The following WBP2NL variants were observed in gnomAD, a reference collection of about 807,000 sequenced individuals.
The protein encoded by WBP2NL is postacrosomal sheath WW domain-binding protein.
WBP2NL carries 27 observed loss-of-function variants against 23.3 expected under a neutral mutation model. The ratio of observed to expected loss-of-function variants is 1.16; its 90% CI spans 0.85 to 1.60. The LOEUF is 1.60. WBP2NL is among the 40% of genes most tolerant of loss of function. The pLI is 0.00. For missense variants in WBP2NL, 370 were observed against 389.5 expected (o/e 0.95, Z 0.42); for synonymous variants, 151 against 145.9 (o/e 1.03, Z -0.25).
chr22:42,028,280 C>A lies in WBP2NL; in HGVS notation c.*1099C>A, dbSNP rs1473077699. 1.3e-5 allele frequency: 5 copies of A among 392,418 alleles called. No homozygotes were observed. The highest frequency in any genetic ancestry group is 2.2e-5 in the Non-Finnish European group (5 of 222,920). 24.3% of individuals were successfully genotyped at this position (392,418 alleles called of 1,614,324 possible). A position where few individuals can be genotyped will look rare whatever the true frequency, so the allele number is the denominator to read the frequency against. ...TATAGTGATTTTCAGCCTCATCAGA[C>A]TGAATGCCCCATTTTATAACAAATA... On this transcript the variant is annotated 3_prime_UTR_variant, in exon 6 of 6. Transcript: ENST00000328823.
chr22:42,011,114 C>G (rs956504227), intron 1 of WBP2NL, among the ~76,000 whole-genome samples: 2 of 152,186 alleles, frequency 1.3e-5, no homozygotes, highest in Non-Finnish European at 2.9e-5. Context: ...GTTTCTTTGT[C>G]TGGCTTCGGT....
intron 4 of WBP2NL, 103 bp downstream of exon 4, chr22:42,020,199 G>C: frequency 8.5e-7 from 1 of 1,178,208 alleles, no homozygotes; most frequent in South Asian, 1.5e-5. Context: ...TGTTGTTTTT[G>C]AGACAGGGAT....
At chr22:42,014,761 T>G (rs1923154055) in intron 1 of WBP2NL, among the ~76,000 whole-genome samples, 1 of 152,238 alleles carries the variant, frequency 6.6e-6, no homozygotes. Context: ...GTGATTAAAT[T>G]GTTCATTTCA....
intron 8 of WBP2NL, among the ~76,000 whole-genome samples, chr22:42,051,215 T>A (rs1426461950): frequency 6.6e-6 from 1 of 152,226 alleles, no homozygotes; most frequent in Non-Finnish European, 1.5e-5. Context: ...GAACCCTAGA[T>A]TCATATTGCT....
chr22:42,058,029 G>A (rs1337347147), intron 8 of WBP2NL, among the ~76,000 whole-genome samples: 4 of 141,552 alleles, frequency 2.8e-5, no homozygotes, highest in Non-Finnish European at 6.0e-5. Context: ...CTGTTCTCCT[G>A]CCTCAGCCTC....
intron 8 of WBP2NL, among the ~76,000 whole-genome samples, chr22:42,040,002 C>T (rs1925342903): frequency 6.6e-6 from 1 of 151,784 alleles, no homozygotes; most frequent in Non-Finnish European, 1.5e-5. Flanking sequence ...ACCTCCGCCT[C>T]CTGGGTTCAA....
chr22:42,050,360 C>T (rs1663569475), intron 8 of WBP2NL, among the ~76,000 whole-genome samples: 1 of 151,024 alleles, frequency 6.6e-6, no homozygotes, highest in South Asian at 2.1e-4. Flanking sequence ...AAAAAAACAA[C>T]CTGGGCCAGG....
At chr22:42,039,246 A>AT (rs1046851047) in intron 8 of WBP2NL, among the ~76,000 whole-genome samples, 19 of 145,464 alleles carry the variant, frequency 1.3e-4, no homozygotes, top group East Asian at 4.1e-4. Flanking sequence ...TAATTCTTGT[A>AT]TTTTTTTTTA....
intron 1 of WBP2NL, among the ~76,000 whole-genome samples, chr22:42,011,761 G>A (rs1301886464): frequency 6.6e-6 from 1 of 150,852 alleles, no homozygotes; most frequent in African/African-American, 2.4e-5. Context: ...GGTTGTTGTT[G>A]TTGTTGTTTT....
chr22:42,008,786 A>AT (rs924605103), intron 1 of WBP2NL, among the ~76,000 whole-genome samples: 3 of 126,998 alleles, frequency 2.4e-5, no homozygotes, highest in Admixed American at 8.0e-5. Context: ...TTTTTTTATT[A>AT]TTTTTTTTCT....
chr22:42,019,903 G>T (rs1416273108), intron 3 of WBP2NL, 100 bp downstream of exon 3: 1 of 1,594,228 alleles, frequency 6.3e-7, no homozygotes, highest in Non-Finnish European at 8.6e-7. Context: ...AACAAAAGCT[G>T]CCCTACTTTG....
intron 8 of WBP2NL, among the ~76,000 whole-genome samples, chr22:42,047,928 C>A (rs1015284540): frequency 1.3e-5 from 2 of 151,840 alleles, no homozygotes; most frequent in Non-Finnish European, 2.9e-5. Flanking sequence ...AGCCTAAAAC[C>A]AGTCAATATA....
At chr22:42,057,439 A>C (rs1419459438) in intron 8 of WBP2NL, among the ~76,000 whole-genome samples, 5 of 151,690 alleles carry the variant, frequency 3.3e-5, no homozygotes, top group African/African-American at 1.2e-4. Context: ...TCTTTCCTTT[A>C]TTTCTTTAGA....
intron 8 of WBP2NL, among the ~76,000 whole-genome samples, chr22:42,050,685 GGA>G (rs1057352227): frequency 6.6e-6 from 1 of 151,386 alleles, no homozygotes; most frequent in African/African-American, 2.4e-5. Context: ...ATTAAAAAAT[GGA>G]TAAAAGACCC....
chr22:42,001,036 C>G, intron 1 of WBP2NL: 1 of 722,332 alleles, frequency 1.4e-6, no homozygotes, highest in Non-Finnish European at 2.4e-6. Context: ...TACAACATGC[C>G]TGTTCAAAGG....
At chr22:41,999,615 A>C (rs560616991) in intron 1 of WBP2NL, among the ~76,000 whole-genome samples, 19 of 152,320 alleles carry the variant, frequency 1.2e-4, no homozygotes, top group African/African-American at 4.6e-4. Flanking sequence ...CAAAAAGTAG[A>C]AAATTAGTGG....
At chr22:41,999,504 C>T (rs1345475226) in intron 1 of WBP2NL, among the ~76,000 whole-genome samples, 2 of 152,174 alleles carry the variant, frequency 1.3e-5, no homozygotes, top group East Asian at 3.9e-4. Context: ...AAATTGAGGC[C>T]AGGTGCAGTG....
intron 8 of WBP2NL, among the ~76,000 whole-genome samples, chr22:42,043,617 A>G (rs1045952918): frequency 1.3e-5 from 2 of 152,212 alleles, no homozygotes; most frequent in African/African-American, 4.8e-5. Context: ...AGGGCCAGCA[A>G]CCATTCTGGA....
At chr22:42,051,511 A>G (rs553820788) in intron 8 of WBP2NL, among the ~76,000 whole-genome samples, 1 of 152,354 alleles carries the variant, frequency 6.6e-6, no homozygotes, top group Admixed American at 6.5e-5. Flanking sequence ...GTAAATTATG[A>G]ACGTTTGCTA....
Sources: gnomAD v4.1 joint callset for allele counts (sites outside exome capture counted in the v4.1 genomes callset) on GRCh38, gnomAD v4.1.1 for gene constraint, MANE v1.5 for transcripts, NCBI Gene and HGNC (gene_info 2026-07-23, HGNC 2026-07-21) for gene names.